The following RASGRF1 variants were observed in gnomAD, a reference collection of about 807,000 sequenced individuals.
RASGRF1 encodes the protein Ras protein specific guanine nucleotide releasing factor 1.
RASGRF1 carries 40 observed loss-of-function variants against 138.7 expected under a neutral mutation model. The observed-to-expected ratio is 0.29, with a 90% CI of 0.22 to 0.38. The LOEUF (loss-of-function observed/expected upper bound fraction) is 0.38, where lower values mean the gene tolerates loss of function less well. Among genes scored for constraint, RASGRF1 ranks in the 10% least tolerant of loss-of-function variants. The probability of loss-of-function intolerance (pLI) is 1.00; values close to 1 mark genes in which losing one functional copy is unlikely to be tolerated. For synonymous variants in RASGRF1, 614 were observed against 663.2 expected (o/e 0.93, Z 1.14); for missense variants, 1,108 against 1,650.4 (o/e 0.67, Z 5.69).
intron 16 of RASGRF1, among the ~76,000 whole-genome samples, chr15:79,001,395 G>A (rs926050583): frequency 1.4e-4 from 21 of 151,568 alleles, no homozygotes; most frequent in African/African-American, 5.1e-4. Context: ...TGGGCTCAAG[G>A]CAGTCTTGTC....
intron 8 of RASGRF1, among the ~76,000 whole-genome samples, chr15:79,028,406 TG>T (rs2057090936): frequency 6.6e-6 from 1 of 152,190 alleles, no homozygotes; most frequent in African/African-American, 2.4e-5. Flanking sequence ...GCTTACCTTT[TG>T]GAGCACCTGG....
chr15:79,056,033 G>A (rs1341436613), intron 3 of RASGRF1, among the ~76,000 whole-genome samples: 1 of 152,180 alleles, frequency 6.6e-6, no homozygotes, highest in Non-Finnish European at 1.5e-5. Flanking sequence ...GGAAAGCCAT[G>A]GGAGCAGACA....
chr15:79,035,087 G>C, intron 6 of RASGRF1, 44 bp downstream of exon 6: 2 of 1,537,182 alleles, frequency 1.3e-6, no homozygotes, highest in Non-Finnish European at 1.8e-6. Flanking sequence ...GTGGCCCCTG[G>C]AGGGGGACTT....
intron 20 of RASGRF1, among the ~76,000 whole-genome samples, chr15:78,993,214 C>T (rs552106161): frequency 1.3e-3 from 71 of 56,638 alleles, no homozygotes; most frequent in Non-Finnish European, 2.1e-3. Context: ...GGTGTGTGTG[C>T]GTGTGCCTGT....
intron 1 of RASGRF1, among the ~76,000 whole-genome samples, chr15:79,078,586 A>G (rs943330324): frequency 6.6e-6 from 1 of 152,052 alleles, no homozygotes; most frequent in Non-Finnish European, 1.5e-5. Context: ...CCCCACACCA[A>G]TCCAGAAAGA....
chr15:79,030,011 C>A lies in RASGRF1; in HGVS notation c.1262+1389G>T, dbSNP rs773669276. Among the ~76,000 whole-genome samples, 5 of 152,138 alleles carry A rather than the reference C, an allele frequency of 3.3e-5. No individual in the cohort carries two copies. The South Asian group carries it at 1.0e-3, about 32-fold the overall frequency. ...GGGAAGAGTGTGCGGGATTTGGATC[C>A]CTGGGCATGGGAGGACTGGAGTCCC... On this transcript the variant is annotated intron_variant, in intron 8 of 26. Transcript: ENST00000558480.
intron 24 of RASGRF1, among the ~76,000 whole-genome samples, chr15:78,978,210 CTTTTCTTTTGTTTTTTTTTT>C (rs1413009931): frequency 2.5e-5 from 3 of 122,220 alleles, no homozygotes; most frequent in Non-Finnish European, 4.8e-5. Flanking sequence ...TTTTCTTTTT[CTTTTCTTTTGTTTTTTTTTT>C]TTTTTTTTTT....
In RASGRF1 at chr15:79,006,134, T is replaced by A; in HGVS notation, c.2075+52A>T. On this transcript the variant is annotated intron_variant, in intron 14 of 26. Coordinates refer to ENST00000558480, the MANE Select transcript of RASGRF1 (RefSeq NM_001145648.3). The surrounding 1 kb of genome is among the most constrained non-coding windows in gnomAD (Gnocchi z 4.0). ...CGGCCCCGTGCAAGCTCAGTTTTCC[T>A]CCAAGGCTTGGAAGCTCTCCGGGCA... 6.2e-7 allele frequency: 1 copy of A among 1,609,426 alleles called. No individual in the cohort carries two copies. The highest frequency in any genetic ancestry group is 1.1e-5 in the South Asian group (1 of 90,640).
At chr15:79,072,357 G>A (rs1595966108) in intron 1 of RASGRF1, among the ~76,000 whole-genome samples, 1 of 132,268 alleles carries the variant, frequency 7.6e-6, no homozygotes, top group Non-Finnish European at 1.5e-5. Flanking sequence ...CTCACTGCAA[G>A]CTCTGCCTCC....
intron 13 of RASGRF1, among the ~76,000 whole-genome samples, chr15:79,008,177 G>A (rs1253402559): frequency 6.6e-6 from 1 of 152,228 alleles, no homozygotes; most frequent in Non-Finnish European, 1.5e-5. Flanking sequence ...ACCTAGGAGT[G>A]CAGATAGTGC....
chr15:79,084,427 C>T (rs2057952708), intron 1 of RASGRF1, among the ~76,000 whole-genome samples: 1 of 152,234 alleles, frequency 6.6e-6, no homozygotes, highest in African/African-American at 2.4e-5. Context: ...AGGCAGACCC[C>T]AAAGTGACCT....
At position 79,027,148 on chromosome 15, in the gene RASGRF1, G is replaced by A. The variant is rs2057069287; in HGVS notation, c.1381+593C>T. On this transcript the variant is annotated intron_variant, in intron 9 of 26. Transcript: ENST00000558480. This position sits in a 1 kb window ranked among gnomAD's most constrained non-coding sequence, Gnocchi z 4.8. The stretch of plus-strand genomic sequence containing the variant: ...GAATGTGATGAATTTCAAATGCATT[G>A]CAGTTCTGATGTCAGTCCCCTGAGC... Among the ~76,000 whole-genome samples, 1 of 152,142 alleles carries A rather than the reference G, an allele frequency of 6.6e-6. No individual in the cohort carries two copies. Among genetic ancestry groups the A allele is most frequent in the Non-Finnish European group, 1.5e-5 (1 of 68,020 alleles).
At chr15:79,034,929 G>C (rs1437955981) in intron 6 of RASGRF1, among the ~76,000 whole-genome samples, 15 of 152,220 alleles carry the variant, frequency 9.9e-5, no homozygotes, top group African/African-American at 2.4e-5. Flanking sequence ...AAAGTGGATA[G>C]GAAACTAAAA....
chr15:79,023,316 G>T (rs1459941211), intron 10 of RASGRF1, among the ~76,000 whole-genome samples: 1 of 152,210 alleles, frequency 6.6e-6, no homozygotes, highest in Non-Finnish European at 1.5e-5. Flanking sequence ...CATCCACTGT[G>T]AGCTCACTGC....
intron 21 of RASGRF1, 27 bp downstream of exon 21, chr15:78,991,664 G>C (rs1297554703): frequency 2.5e-6 from 4 of 1,570,886 alleles, no homozygotes; most frequent in African/African-American, 1.3e-5. Context: ...GAAGCGGGGG[G>C]AGGCGGGTGG....
intron 1 of RASGRF1, among the ~76,000 whole-genome samples, chr15:79,089,532 T>C (rs1210791127): frequency 6.6e-6 from 1 of 152,206 alleles, no homozygotes; most frequent in Non-Finnish European, 1.5e-5. Flanking sequence ...AAGCGCCCAC[T>C]TCGTCCCGCT....
intron 12 of RASGRF1, 77 bp downstream of exon 12, chr15:79,017,693 C>A: frequency 2.3e-5 from 33 of 1,432,730 alleles, no homozygotes; most frequent in Middle Eastern, 2.3e-4. Context: ...CCACCCCCTA[C>A]CTGCCACCAG....
At chr15:79,030,997 T>TAA (rs2057128072) in intron 8 of RASGRF1, among the ~76,000 whole-genome samples, 1 of 152,200 alleles carries the variant, frequency 6.6e-6, no homozygotes, top group African/African-American at 2.4e-5. Flanking sequence ...TACCTGCCTC[T>TAA]GGTTAACTAG....
At position 79,005,134 on chromosome 15, in the gene RASGRF1, T is replaced by C. The variant is rs1018368043; in HGVS notation, c.2076-959A>G. ...TCTCAGAGCCCTGGGAATCTGATCA[T>C]TGAGGTTTCAGAAGTTCAGGGCAGA... On this transcript the variant is annotated intron_variant, in intron 14 of 26. Coordinates refer to ENST00000558480, the MANE Select transcript of RASGRF1 (RefSeq NM_001145648.3). 7 of 985,418 alleles carry C rather than the reference T, an allele frequency of 7.1e-6. No homozygotes were observed. In the South Asian group the frequency reaches 2.3e-4, roughly 33 times the overall value. 61.0% of individuals were successfully genotyped at this position (985,418 alleles called of 1,614,324 possible).
Sources: allele counts gnomAD v4.1 joint callset (sites outside exome capture counted in the v4.1 genomes callset), GRCh38; gene constraint gnomAD v4.1.1; non-coding constraint Gnocchi (gnomAD v3.1); transcripts MANE v1.5; gene names NCBI Gene and HGNC (gene_info 2026-07-23, HGNC 2026-07-21).